COL14A1: variants seen among roughly 807,000 people sequenced by gnomAD.
COL14A1 encodes collagen alpha-1(XIV) chain.
COL14A1 carries 136 observed loss-of-function variants against 230.3 expected under a neutral mutation model. The observed-to-expected ratio is 0.59, with a 90% CI of 0.51 to 0.68. The LOEUF (loss-of-function observed/expected upper bound fraction) is 0.68, where lower values mean the gene tolerates loss of function less well. Among genes scored for constraint, COL14A1 ranks in the 30% least tolerant of loss-of-function variants. COL14A1 has a pLI of 0.00. For missense variants in COL14A1, 1,976 were observed against 2,215.8 expected (o/e 0.89, Z 2.17); for synonymous variants, 792 against 784.1 (o/e 1.01, Z -0.17).
chr8:120,340,017 G>A (rs1488417004), intron 42 of COL14A1, among the ~76,000 whole-genome samples: 2 of 139,752 alleles, frequency 1.4e-5, no homozygotes, highest in African/African-American at 5.4e-5. Context: ...CAGTCTGGGA[G>A]ATAGAGGGAG....
At position 120,360,073 on chromosome 8, in the gene COL14A1, G is replaced by A. The variant is rs1191170752; in HGVS notation, c.5078-7098G>A. On this transcript the variant is annotated intron_variant, in intron 45 of 47. Transcript: ENST00000297848. ...GTGCTAACTCCTTTGCCTTGATCTTGCTCTGGTTAGTGGATTCCTTTGACC... is the reference window on the plus strand; with the variant it reads ...GTGCTAACTCCTTTGCCTTGATCTTACTCTGGTTAGTGGATTCCTTTGACC... 5.3e-5 allele frequency among the ~76,000 whole-genome samples: 8 copies of A among 152,276 alleles called. No individual in the cohort carries two copies. In the East Asian group the frequency reaches 1.4e-3, roughly 26 times the overall value.
intron 45 of COL14A1, among the ~76,000 whole-genome samples, chr8:120,356,826 T>C (rs553132056): frequency 1.2e-4 from 19 of 152,234 alleles, no homozygotes; most frequent in African/African-American, 4.3e-4. Context: ...CAGATAGTTT[T>C]CTCTTTCTTT....
At chr8:120,216,530 C>A in intron 14 of COL14A1, 40 bp downstream of exon 14, 3 of 1,580,938 alleles carry the variant, frequency 1.9e-6, no homozygotes, top group Non-Finnish European at 1.7e-6. Flanking sequence ...TAGGTAGTGG[C>A]GTGCTAGTTA....
At chr8:120,336,988 T>C (rs1395185812) in intron 42 of COL14A1, among the ~76,000 whole-genome samples, 1 of 152,220 alleles carries the variant, frequency 6.6e-6, no homozygotes, top group African/African-American at 2.4e-5. Flanking sequence ...GTCTCTCCAC[T>C]AAAAGGATAA....
At chr8:120,165,226 G>A (rs1815824740) in intron 4 of COL14A1, among the ~76,000 whole-genome samples, 1 of 152,172 alleles carries the variant, frequency 6.6e-6, no homozygotes, top group East Asian at 1.9e-4. Flanking sequence ...CAGAGCTAAA[G>A]CCTAGTCTCC....
At chr8:120,244,072 T>TA in intron 20 of COL14A1, 64 bp downstream of exon 20, 1 of 1,554,074 alleles carries the variant, frequency 6.4e-7, no homozygotes, top group Non-Finnish European at 8.7e-7. Context: ...TTGTCCCCTG[T>TA]AATGCACCCT....
intron 40 of COL14A1, among the ~76,000 whole-genome samples, chr8:120,317,192 G>A (rs1214480329): frequency 2.6e-5 from 4 of 152,048 alleles, no homozygotes; most frequent in Admixed American, 6.6e-5. Flanking sequence ...GTTTTGGGTC[G>A]AACTTACTAG....
intron 40 of COL14A1, among the ~76,000 whole-genome samples, chr8:120,326,548 A>G (rs1821675566): frequency 6.6e-6 from 1 of 152,226 alleles, no homozygotes; most frequent in African/African-American, 2.4e-5. Context: ...AAATAAAACT[A>G]TTTTATGAGA....
intron 40 of COL14A1, among the ~76,000 whole-genome samples, chr8:120,317,287 T>C (rs1433501676): frequency 1.3e-5 from 2 of 152,242 alleles, no homozygotes; most frequent in Non-Finnish European, 2.9e-5. Flanking sequence ...TGTTCAAGAA[T>C]AATGAAACTG....
At position 120,250,637 on chromosome 8, in the gene COL14A1, A is replaced by T. The variant is rs1204833679; in HGVS notation, c.2623A>T (p.Thr875Ser). 6.2e-7 allele frequency: 1 copy of T among 1,614,122 alleles called. No individual in the cohort carries two copies. The highest frequency in any genetic ancestry group is 1.3e-5 in the African/African-American group (1 of 74,952). Residue 875 changes from threonine (T) to serine (S), a missense_variant, in exon 22 of 48, where the codon ACG becomes TCG. Coordinates refer to ENST00000297848, the MANE Select transcript of COL14A1 (RefSeq NM_021110.4). ...TTTAGTTCCTGGTCCAACACTGGAA[A>T]CGTTTGTGGGAGCTGACATTAACAC... Reference protein sequence around the residue: ...PVSVPGPTLETFVGADINTIL... With the variant: ...PVSVPGPTLESFVGADINTIL...
At chr8:120,190,349 C>T (rs202113684) in intron 5 of COL14A1, among the ~76,000 whole-genome samples, 1 of 151,912 alleles carries the variant, frequency 6.6e-6, no homozygotes. Flanking sequence ...TTTTTCTTGT[C>T]AATTTGTTTA....
At chr8:120,348,115 C>G (rs754867003) in intron 45 of COL14A1, among the ~76,000 whole-genome samples, 1 of 151,114 alleles carries the variant, frequency 6.6e-6, no homozygotes, top group Admixed American at 6.6e-5. Flanking sequence ...AGTGCAAAAA[C>G]GTGGAACCAA....
intron 45 of COL14A1, among the ~76,000 whole-genome samples, chr8:120,359,274 T>C (rs372976284): frequency 6.6e-6 from 1 of 151,572 alleles, no homozygotes; most frequent in African/African-American, 2.4e-5. Context: ...CCCCTCCGTG[T>C]TTCCATGTGT....
chr8:120,359,886 G>A (rs758515922), intron 45 of COL14A1, among the ~76,000 whole-genome samples: 2 of 151,730 alleles, frequency 1.3e-5, no homozygotes, highest in South Asian at 2.1e-4. Flanking sequence ...CTCTCTCTCC[G>A]CCCTTCTCTT....
rs112514699 is a variant in COL14A1, at chr8:120,163,735, C to T, written c.349+1166C>T. ...CCGAGATTGCGCCATCGCCCTCCAG[C>T]CTGGGCAACAAGAGCAAAACTCCAT... On this transcript the variant is annotated intron_variant, in intron 4 of 47. Coordinates refer to ENST00000297848, the MANE Select transcript of COL14A1 (RefSeq NM_021110.4). 1.5e-4 allele frequency among the ~76,000 whole-genome samples: 23 copies of T among 152,220 alleles called. No homozygotes were observed. In the East Asian group the frequency reaches 4.3e-3, roughly 28 times the overall value.
chr8:120,144,550 A>G (rs904702624), intron 1 of COL14A1, among the ~76,000 whole-genome samples: 3 of 152,170 alleles, frequency 2.0e-5, no homozygotes, highest in African/African-American at 7.2e-5. Flanking sequence ...TAAAAGTTTG[A>G]CATAACATAT....
intron 37 of COL14A1, among the ~76,000 whole-genome samples, chr8:120,311,044 CAGATGAAGCAAGGTAGAAGAAAAT>C (rs1228371788): frequency 1.3e-5 from 2 of 152,034 alleles, no homozygotes; most frequent in African/African-American, 4.8e-5. Flanking sequence ...AAATTGGAAA[CAGATGAAGCAAGGTAGAAGAAAAT>C]ATTGGGATAA....
intron 5 of COL14A1, among the ~76,000 whole-genome samples, chr8:120,188,493 G>C (rs1334711313): frequency 2.0e-5 from 3 of 152,088 alleles, no homozygotes; most frequent in Non-Finnish European, 4.4e-5. Context: ...AAGAGAAAGG[G>C]GATCATTTCT....
chr8:120,349,187 A>G (rs4870727), intron 45 of COL14A1, among the ~76,000 whole-genome samples: 70,351 of 151,054 alleles, frequency 0.47, 16,955 homozygotes, highest in African/African-American at 0.61. Context: ...TGTCTGTTAG[A>G]AGGAAAACTA....
Sources: gnomAD v4.1 joint callset for allele counts (sites outside exome capture counted in the v4.1 genomes callset) on GRCh38, gnomAD v4.1.1 for gene constraint, MANE v1.5 for transcripts, NCBI Gene and HGNC (gene_info 2026-07-23, HGNC 2026-07-21) for gene names.